Variants in TMEM26 observed in about 807,000 individuals in gnomAD.
The protein encoded by TMEM26 is transmembrane protein 26.
A neutral mutation model predicts 28.8 loss-of-function variants in TMEM26; 38 were observed. The observed-to-expected ratio is 1.32, with a 90% CI of 1.02 to 1.73. The LOEUF (loss-of-function observed/expected upper bound fraction) is 1.73. Ranked by LOEUF, TMEM26 falls within the 40% of genes most tolerant of loss-of-function variation. The pLI, the probability that TMEM26 is intolerant of heterozygous loss-of-function variation, is 0.00. For missense variants in TMEM26, 518 were observed against 447.1 expected (o/e 1.16, Z -1.43); for synonymous variants, 227 against 182.9 (o/e 1.24, Z -1.95).
intron 3 of TMEM26, among the ~76,000 whole-genome samples, chr10:61,429,725 A>G (rs1190770799): frequency 6.6e-6 from 1 of 152,064 alleles, no homozygotes; most frequent in East Asian, 1.9e-4. Context: ...AGTACTTAAC[A>G]TACTATTCAA....
At chr10:61,426,329 A>C (rs1839831829) in intron 4 of TMEM26, among the ~76,000 whole-genome samples, 1 of 152,116 alleles carries the variant, frequency 6.6e-6, no homozygotes, top group Middle Eastern at 3.2e-3. Flanking sequence ...AATGTTCTAA[A>C]CCTGGATTGT....
chr10:61,427,710 A>G (rs1839855086), intron 4 of TMEM26, among the ~76,000 whole-genome samples: 1 of 151,506 alleles, frequency 6.6e-6, no homozygotes. Flanking sequence ...TTCCCTCCCA[A>G]CTCCCTAAAT....
chr10:61,427,144 A>C (rs1055202071), intron 4 of TMEM26, among the ~76,000 whole-genome samples: 13 of 152,130 alleles, frequency 8.5e-5, no homozygotes, highest in African/African-American at 3.1e-4. Context: ...ACTATGACAT[A>C]ATTTATTGGG....
intron 5 of TMEM26, chr10:61,412,968 C>A: frequency 7.8e-7 from 1 of 1,285,968 alleles, no homozygotes; most frequent in Non-Finnish European, 1.0e-6. Context: ...TTTAACTGCT[C>A]CTATGTCTTC....
intron 4 of TMEM26, among the ~76,000 whole-genome samples, chr10:61,428,260 T>C (rs1839863889): frequency 6.6e-6 from 1 of 152,094 alleles, no homozygotes; most frequent in Admixed American, 6.6e-5. Flanking sequence ...GGTAAGAAAG[T>C]CGTTCCGTAA....
chr10:61,408,107 A>C lies in TMEM26; in HGVS notation c.*2215T>G, dbSNP rs149821621. On this transcript the variant is annotated 3_prime_UTR_variant, in exon 6 of 6. Coordinates refer to ENST00000399298, the MANE Select transcript of TMEM26 (RefSeq NM_178505.8). ...TCCTATTATAAAAGCAGCCAGTATA[A>C]GAGAGTAGGAGTACTGGCAGCTAGG... 2.4e-4 allele frequency: 36 copies of C among 152,282 alleles called. 1 individual carries two copies. The highest frequency in any genetic ancestry group is 8.7e-4 in the African/African-American group (36 of 41,552). The allele number at this position is 152,282 out of a possible 1,614,324, so 9.4% of individuals were successfully genotyped here.
intron 1 of TMEM26, among the ~76,000 whole-genome samples, chr10:61,442,943 A>G (rs765341731): frequency 1.5e-4 from 23 of 152,138 alleles, no homozygotes; most frequent in Non-Finnish European, 2.8e-4. Flanking sequence ...GTTTTTGTGG[A>G]ACACAAAGCC....
intron 1 of TMEM26, among the ~76,000 whole-genome samples, chr10:61,446,854 T>TAAAAAAAAAAAAAAAAAAAAA (rs1840191839): frequency 6.4e-5 from 5 of 78,372 alleles, no homozygotes; most frequent in African/African-American, 2.2e-4. Context: ...AAAAAAAAAT[T>TAAAAAAAAAAAAAAAAAAAAA]AAAAATGCTT....
At chr10:61,441,987 A>G (rs1303780141) in intron 1 of TMEM26, among the ~76,000 whole-genome samples, 1 of 152,050 alleles carries the variant, frequency 6.6e-6, no homozygotes, top group Non-Finnish European at 1.5e-5. Context: ...CACCATCTCA[A>G]AGGAGTTTTT....
At chr10:61,417,494 C>T (rs1589027108) in intron 4 of TMEM26, among the ~76,000 whole-genome samples, 1 of 143,042 alleles carries the variant, frequency 7.0e-6, no homozygotes, top group Non-Finnish European at 1.5e-5. Flanking sequence ...ACAAATACCA[C>T]CAGAAAAGGA....
chr10:61,450,727 A>C (rs1224920618), intron 1 of TMEM26, among the ~76,000 whole-genome samples: 1 of 152,126 alleles, frequency 6.6e-6, no homozygotes, highest in Non-Finnish European at 1.5e-5. Flanking sequence ...ATAATGCACA[A>C]TATATATAAT....
At chr10:61,441,768 A>C (rs891707915) in intron 1 of TMEM26, among the ~76,000 whole-genome samples, 2 of 152,214 alleles carry the variant, frequency 1.3e-5, no homozygotes, top group African/African-American at 4.8e-5. Context: ...ATCTGCCCTT[A>C]GAAACTCAGA....
At chr10:61,433,891 T>C (rs934267741) in intron 2 of TMEM26, among the ~76,000 whole-genome samples, 4 of 152,200 alleles carry the variant, frequency 2.6e-5, no homozygotes, top group Non-Finnish European at 5.9e-5. Flanking sequence ...GTATTCACCG[T>C]ATCAACTTAG....
intron 2 of TMEM26, 59 bp downstream of exon 2, chr10:61,436,111 A>G (rs1840001407): frequency 9.1e-7 from 1 of 1,096,620 alleles, no homozygotes; most frequent in Non-Finnish European, 1.4e-6. Flanking sequence ...AAACTGGATC[A>G]TACTGTGAAA....
Position 61,413,520 on chromosome 10 carries a change from T to C in TMEM26, c.621A>G (p.Leu207=). The change falls in exon 5 of 6, where the codon CTA becomes CTG. Residue 207 remains leucine, a synonymous_variant. Coordinates refer to ENST00000399298, the MANE Select transcript of TMEM26 (RefSeq NM_178505.8). ...EEQNVRNSPA[L]VYAILVIWTW... is the part of the protein sequence containing the mutation. ...TCCATATAACAAGGATGGCATAGAC[T>C]AGTGCAGGACTATTCCTAGAATACA... 1 of 1,612,600 alleles carries C rather than the reference T, an allele frequency of 6.2e-7. No homozygotes were observed. The highest frequency in any genetic ancestry group is 2.2e-5 in the East Asian group (1 of 44,814).
chr10:61,442,742 T>C lies in TMEM26; in HGVS notation c.192-6494A>G, dbSNP rs543053870. Among the ~76,000 whole-genome samples, 14 of 152,276 alleles carry C rather than the reference T, an allele frequency of 9.2e-5. No individual in the cohort carries two copies. In the South Asian group the frequency reaches 2.7e-3, roughly 29 times the overall value. Reference sequence around the variant, plus strand: ...ATTCTTTTCTAAGTCCCTAAACCTGTCTAACAATGCAAAGGTTGTCTGTCC... The same window carrying C: ...ATTCTTTTCTAAGTCCCTAAACCTGCCTAACAATGCAAAGGTTGTCTGTCC... On this transcript the variant is annotated intron_variant, in intron 1 of 5. Coordinates refer to ENST00000399298, the MANE Select transcript of TMEM26 (RefSeq NM_178505.8).
At position 61,445,801 on chromosome 10, in the gene TMEM26, G is replaced by A. The variant is rs1840170935; in HGVS notation, c.191+7090C>T. Among the ~76,000 whole-genome samples, 2 of 152,052 alleles carry A rather than the reference G, an allele frequency of 1.3e-5. 1 individual carries two copies. The highest frequency in any genetic ancestry group is 1.3e-4 in the Admixed American group (2 of 15,262). On this transcript the variant is annotated intron_variant, in intron 1 of 5. Transcript: ENST00000399298. The stretch of plus-strand genomic sequence containing the variant: ...GGGTAGTGGGGAATATACACATGGG[G>A]AGAATAAACCTTGATGTAAATGTGA...
chr10:61,413,043 A>G, intron 5 of TMEM26: 1 of 1,109,506 alleles, frequency 9.0e-7, no homozygotes, highest in Non-Finnish European at 1.2e-6. Flanking sequence ...ATAAGAAATA[A>G]AACTTTTATG....
chr10:61,439,589 A>C (rs1840060031), intron 1 of TMEM26, among the ~76,000 whole-genome samples: 1 of 152,184 alleles, frequency 6.6e-6, no homozygotes, highest in Non-Finnish European at 1.5e-5. Flanking sequence ...ACCCTGTATA[A>C]ATTTCAGAAA....
Sources: allele counts gnomAD v4.1 joint callset (sites outside exome capture counted in the v4.1 genomes callset), GRCh38; gene constraint gnomAD v4.1.1; transcripts MANE v1.5; gene names NCBI Gene and HGNC (gene_info 2026-07-23, HGNC 2026-07-21).